DYNC2H1: variants seen among roughly 807,000 people sequenced by gnomAD.
DYNC2H1 encodes the protein cytoplasmic dynein 2 heavy chain 1.
DYNC2H1 carries 410 observed loss-of-function variants against 570.0 expected under a neutral mutation model. The observed-to-expected ratio is 0.72, with a 90% CI of 0.66 to 0.78. DYNC2H1 has a LOEUF of 0.78. Ranked by LOEUF, DYNC2H1 falls within the 30% of genes least tolerant of loss-of-function variation. The probability of loss-of-function intolerance (pLI) is 0.00; values close to 1 mark genes in which losing one functional copy is unlikely to be tolerated. For synonymous variants in DYNC2H1, 1,688 were observed against 1,677.6 expected (o/e 1.01, Z -0.15); for missense variants, 4,865 against 5,046.4 (o/e 0.96, Z 1.09).
intron 75 of DYNC2H1, among the ~76,000 whole-genome samples, chr11:103,292,254 A>G (rs1185085672): frequency 6.7e-6 from 1 of 149,338 alleles, no homozygotes; most frequent in African/African-American, 2.5e-5. Context: ...GTGTGTATGC[A>G]TTATAAGTTT....
intron 50 of DYNC2H1, among the ~76,000 whole-genome samples, chr11:103,202,569 G>T (rs1333152963): frequency 6.6e-6 from 1 of 150,814 alleles, no homozygotes; most frequent in Non-Finnish European, 1.5e-5. Context: ...AAAATTTGAA[G>T]AAAAACATAT....
chr11:103,180,589 T>C (rs1198635140), intron 39 of DYNC2H1, among the ~76,000 whole-genome samples: 1 of 151,680 alleles, frequency 6.6e-6, no homozygotes, highest in East Asian at 1.9e-4. Flanking sequence ...ATCTTAGTTT[T>C]AGGTTTCCTT....
intron 42 of DYNC2H1, among the ~76,000 whole-genome samples, chr11:103,187,133 G>A (rs1009546992): frequency 2.6e-5 from 4 of 151,866 alleles, no homozygotes; most frequent in Non-Finnish European, 5.9e-5. Flanking sequence ...TCCTCACAAT[G>A]CCTTAAAACA....
chr11:103,416,979 C>T (rs961169816), intron 84 of DYNC2H1, among the ~76,000 whole-genome samples: 18 of 152,296 alleles, frequency 1.2e-4, no homozygotes, highest in South Asian at 4.1e-4. Flanking sequence ...TATGAACAGA[C>T]ACTTCTCAAA....
chr11:103,350,643 G>A (rs11225740), intron 82 of DYNC2H1, among the ~76,000 whole-genome samples: 4,619 of 152,182 alleles, frequency 0.03, 228 homozygotes, highest in African/African-American at 0.11. Flanking sequence ...TCACAGTTTT[G>A]GGGGCTAGAA....
chr11:103,196,999 C>T (rs570030282), intron 47 of DYNC2H1, among the ~76,000 whole-genome samples: 2 of 151,868 alleles, frequency 1.3e-5, no homozygotes, highest in African/African-American at 4.8e-5. Flanking sequence ...GGAACAGTCT[C>T]CCAGAAGAGT....
In DYNC2H1 at chr11:103,209,933, C is replaced by T. The variant is rs137853032; in HGVS notation, c.8512C>T (p.Arg2838Ter). The stretch of plus-strand genomic sequence containing the variant: ...TGGAGAAAAATACAATGATAAAAAA[C>T]GAAAAGAAGAAAAGAAAAAAAATTC... ...GGGEKYNDKK[R>*]KEEKKKNSVD... Residue 2838 changes from arginine (R) to a stop codon, truncating the protein, a stop_gained, in exon 53 of 89, where the codon CGA (arginine) becomes TGA (stop). Coordinates refer to ENST00000375735, the MANE Select transcript of DYNC2H1 (RefSeq NM_001377.3). LOFTEE classifies it high-confidence loss of function. This position sits in a 1 kb window ranked among gnomAD's most constrained non-coding sequence, Gnocchi z 4.2. The T allele has an allele frequency of 3.4e-6, 5 of 1,488,592 alleles. No homozygotes were observed. The highest frequency in any genetic ancestry group is 1.4e-5 in the African/African-American group (1 of 69,666). The allele number at this position is 1,488,592 out of a possible 1,614,324, so 92.2% of individuals were successfully genotyped here. A position where few individuals can be genotyped will look rare whatever the true frequency, so the allele number is the denominator to read the frequency against.
intron 85 of DYNC2H1, among the ~76,000 whole-genome samples, chr11:103,453,634 ATATATATACACACATTCAT>A (rs987898652): frequency 2.4e-4 from 26 of 106,840 alleles, no homozygotes; most frequent in African/African-American, 8.1e-4. Context: ...ATATATATAT[ATATATATACACACATTCAT>A]TACTGGCAAC....
At chr11:103,152,696 T>C (rs777999098) in intron 21 of DYNC2H1, among the ~76,000 whole-genome samples, 3 of 152,214 alleles carry the variant, frequency 2.0e-5, no homozygotes, top group Non-Finnish European at 4.4e-5. Context: ...ATGGTGCCTC[T>C]GCTTCATAAC....
At chr11:103,223,945 A>G (rs548045193) in intron 59 of DYNC2H1, among the ~76,000 whole-genome samples, 1 of 151,328 alleles carries the variant, frequency 6.6e-6, no homozygotes, top group Admixed American at 6.6e-5. Context: ...AAGGGGTTTC[A>G]CCATGTTGGC....
chr11:103,164,388 T>C (rs978683238), intron 30 of DYNC2H1, among the ~76,000 whole-genome samples: 7 of 152,186 alleles, frequency 4.6e-5, no homozygotes, highest in Admixed American at 2.6e-4. Flanking sequence ...GAATTCTAGT[T>C]TATTAGCATT....
intron 77 of DYNC2H1, among the ~76,000 whole-genome samples, chr11:103,306,661 AT>A (rs1235481978): frequency 6.6e-6 from 1 of 151,974 alleles, no homozygotes; most frequent in African/African-American, 2.4e-5. Context: ...TTCTTTTGTC[AT>A]TTTTTTGTCA....
intron 63 of DYNC2H1, among the ~76,000 whole-genome samples, chr11:103,240,887 A>G (rs1864400707): frequency 6.6e-6 from 1 of 152,216 alleles, no homozygotes; most frequent in Non-Finnish European, 1.5e-5. Flanking sequence ...ATGATCAGAC[A>G]GACTCCAGGT....
At chr11:103,156,898 C>T (rs978905437) in intron 26 of DYNC2H1, 128 bp downstream of exon 26, 8 of 1,157,342 alleles carry the variant, frequency 6.9e-6, no homozygotes, top group African/African-American at 1.6e-5. Context: ...AAATTCTTTC[C>T]TAGTGGATCC....
chr11:103,189,473 A>T lies in DYNC2H1; in HGVS notation c.7293-199A>T, dbSNP rs1355590922. Among the ~76,000 whole-genome samples the T allele has an allele frequency of 1.3e-5, 2 of 152,136 alleles. No individual in the cohort carries two copies. The highest frequency in any genetic ancestry group is 2.9e-5 in the Non-Finnish European group (2 of 68,018). ...CTAACACCTTCTGGTATTTGACAATAGATATTTCGGGATCGAATTTGGTTG... is the reference window on the plus strand; with the variant it reads ...CTAACACCTTCTGGTATTTGACAATTGATATTTCGGGATCGAATTTGGTTG... On this transcript the variant is annotated intron_variant, in intron 44 of 88. Transcript: ENST00000375735. The surrounding 1 kb of genome is among the most constrained non-coding windows in gnomAD (Gnocchi z 4.3).
intron 48 of DYNC2H1, 56 bp downstream of exon 48, chr11:103,198,119 A>G: frequency 6.7e-7 from 1 of 1,503,654 alleles, no homozygotes; most frequent in African/African-American, 1.4e-5. Flanking sequence ...TCTTTTAAAA[A>G]TATTTATTGT....
rs761484752 is a variant in DYNC2H1 at position 103,121,400 on chromosome 11, C to T, written c.1389C>T (p.Cys463=). 24 of 1,611,702 alleles carry T rather than the reference C, an allele frequency of 1.5e-5. No individual in the cohort carries two copies. In the South Asian group the frequency reaches 2.7e-4, roughly 18 times the overall value. Residue 463 remains cysteine, a synonymous_variant, in exon 10 of 89, where the codon TGC becomes TGT. Coordinates refer to ENST00000375735, the MANE Select transcript of DYNC2H1 (RefSeq NM_001377.3). ...KDFRLDFENR[C]RGIPGDASGP... is the part of the protein sequence containing the mutation. ...TTCGATTAGACTTTGAGAATCGGTG[C>T]CGAGGAATTCCTGGTGATGCATCTG...
In DYNC2H1 at chr11:103,115,140, A is replaced by G. The variant is rs761016277; in HGVS notation, c.503-37A>G. The G allele has an allele frequency of 1.3e-5, 19 of 1,477,942 alleles. No homozygotes were observed. The South Asian group carries it at 2.3e-4, about 18-fold the overall frequency. The allele number at this position is 1,477,942 out of a possible 1,614,324, so 91.6% of individuals were successfully genotyped here. A position where few individuals can be genotyped will look rare whatever the true frequency, so the allele number is the denominator to read the frequency against. Reference sequence around the variant, plus strand: ...TTGTATTCATTTTTTTTTCTCTGATATTCTATGCCATTTTTTTCCCCTCTT... The same window carrying G: ...TTGTATTCATTTTTTTTTCTCTGATGTTCTATGCCATTTTTTTCCCCTCTT... On this transcript the variant is annotated intron_variant, in intron 3 of 88. Transcript: ENST00000375735.
rs113928320 is a variant in DYNC2H1 at position 103,110,748 on chromosome 11, C to A, written c.195+979C>A. Among the ~76,000 whole-genome samples, 1,070 of 151,836 alleles carry A rather than the reference C, an allele frequency of 7.0e-3. 9 individuals carry two copies. Among genetic ancestry groups the A allele is most frequent in the African/African-American group, 0.024 (1,010 of 41,416 alleles). On this transcript the variant is annotated intron_variant, in intron 1 of 88. Transcript: ENST00000375735. ...TAATAAAACAAAGACATATTTTAAACCTCTTCCTTTGGTGTTCACCCTTAT... is the reference window on the plus strand; with the variant it reads ...TAATAAAACAAAGACATATTTTAAAACTCTTCCTTTGGTGTTCACCCTTAT...
Sources: gnomAD v4.1 joint callset for allele counts (sites outside exome capture counted in the v4.1 genomes callset) on GRCh38, gnomAD v4.1.1 for gene constraint, Gnocchi (gnomAD v3.1) non-coding constraint, MANE v1.5 for transcripts, NCBI Gene and HGNC (gene_info 2026-07-23, HGNC 2026-07-21) for gene names.